The following TMEM242 variants were observed in gnomAD, a reference collection of about 807,000 sequenced individuals.
The protein encoded by TMEM242 is UPF0463 transmembrane protein C6orf35.
A neutral mutation model predicts 18.2 loss-of-function variants in TMEM242; 10 were observed. The observed-to-expected ratio is 0.55, with a 90% CI of 0.34 to 0.93. The LOEUF is 0.93. Among genes scored for constraint, TMEM242 ranks in the 40% least tolerant of loss-of-function variants. TMEM242 has a pLI of 0.02. For synonymous variants in TMEM242, 57 were observed against 69.9 expected (o/e 0.81, Z 0.92); for missense variants, 186 against 175.5 (o/e 1.06, Z -0.34).
At position 157,291,069 on chromosome 6, in the gene TMEM242, G is replaced by C. The variant is rs1777677753; in HGVS notation, c.*1832C>G. 1 of 152,282 alleles carries C rather than the reference G, an allele frequency of 6.6e-6. No individual in the cohort carries two copies. Among genetic ancestry groups the C allele is most frequent in the African/African-American group, 2.4e-5 (1 of 41,470 alleles). 9.4% of individuals were successfully genotyped at this position (152,282 alleles called of 1,614,324 possible). A position where few individuals can be genotyped will look rare whatever the true frequency, so the allele number is the denominator to read the frequency against. Reference sequence around the variant, plus strand: ...GTGCAGCAGCCTCTGCAGCGGTGCTGACACCAGTTTACAAGGCCCTGAGAG... The same window carrying C: ...GTGCAGCAGCCTCTGCAGCGGTGCTCACACCAGTTTACAAGGCCCTGAGAG... On this transcript the variant is annotated 3_prime_UTR_variant, in exon 4 of 4. Coordinates refer to ENST00000400788, the MANE Select transcript of TMEM242 (RefSeq NM_018452.6).
intron 3 of TMEM242, among the ~76,000 whole-genome samples, chr6:157,311,972 GGCCTCATCATAGTGCCCCAGTGAGCA>G (rs1778141408): frequency 3.6e-4 from 1 of 2,748 alleles, no homozygotes; most frequent in Admixed American, 5.2e-3. Flanking sequence ...GCAATCACCT[GGCCTCATCATAGTGCCCCAGTGAGCA>G]CTCACCTAGC....
At chr6:157,317,102 C>G (rs1778405266) in intron 3 of TMEM242, among the ~76,000 whole-genome samples, 1 of 152,216 alleles carries the variant, frequency 6.6e-6, no homozygotes, top group Admixed American at 6.5e-5. Flanking sequence ...CATATACATG[C>G]TGTTAATTCT....
intron 3 of TMEM242, among the ~76,000 whole-genome samples, chr6:157,311,259 G>A (rs1397556539): frequency 1.4e-4 from 20 of 142,890 alleles, no homozygotes; most frequent in African/African-American, 5.0e-4. Flanking sequence ...CGCTCACCTA[G>A]CCTCATCATA....
At chr6:157,314,742 G>A (rs1323029406) in intron 3 of TMEM242, among the ~76,000 whole-genome samples, 1 of 152,202 alleles carries the variant, frequency 6.6e-6, no homozygotes, top group Non-Finnish European at 1.5e-5. Flanking sequence ...GTTATTATAT[G>A]CATTCTATGT....
intron 3 of TMEM242, chr6:157,299,928 T>G: frequency 1.9e-6 from 3 of 1,609,502 alleles, no homozygotes; most frequent in Non-Finnish European, 2.5e-6. Context: ...ACCGATCCAG[T>G]TCCTATGATG....
chr6:157,299,774 CA>C (rs1387883413), intron 3 of TMEM242: 1 of 1,602,292 alleles, frequency 6.2e-7, no homozygotes, highest in Non-Finnish European at 8.6e-7. Flanking sequence ...ATCTTTGCTA[CA>C]AACAATATTT....
At chr6:157,313,033 T>G (rs1778236025) in intron 3 of TMEM242, among the ~76,000 whole-genome samples, 2 of 152,164 alleles carry the variant, frequency 1.3e-5, no homozygotes, top group African/African-American at 2.4e-5. Context: ...CTCATCATAG[T>G]GTCCCAGTGT....
chr6:157,310,524 T>A (rs909248078), intron 3 of TMEM242, among the ~76,000 whole-genome samples: 3 of 151,236 alleles, frequency 2.0e-5, no homozygotes, highest in Non-Finnish European at 4.4e-5. Flanking sequence ...TCACCTGGCC[T>A]CATCATGGTA....
intron 3 of TMEM242, among the ~76,000 whole-genome samples, chr6:157,311,276 C>G (rs1554248702): frequency 7.0e-6 from 1 of 141,940 alleles, no homozygotes; most frequent in Non-Finnish European, 1.5e-5. Flanking sequence ...CATAGTGCCC[C>G]CGTGTGCACA....
chr6:157,320,994 ATTTCTTTTTTTTTT>A (rs781790356), intron 2 of TMEM242, among the ~76,000 whole-genome samples: 199 of 134,546 alleles, frequency 1.5e-3, no homozygotes, highest in East Asian at 5.0e-3. Flanking sequence ...TTTATTTCCC[ATTTCTTTTTTTTTT>A]TTTCTTTTTT....
intron 2 of TMEM242, among the ~76,000 whole-genome samples, chr6:157,319,780 G>A (rs1554250610): frequency 6.6e-6 from 1 of 152,194 alleles, no homozygotes; most frequent in Admixed American, 6.5e-5. Context: ...ATAGAAGTCT[G>A]TTTAAATAGC....
chr6:157,296,411 G>A (rs941756691), intron 3 of TMEM242, among the ~76,000 whole-genome samples: 1 of 152,234 alleles, frequency 6.6e-6, no homozygotes, highest in Admixed American at 6.5e-5. Context: ...CATGAGTGGA[G>A]TGTGGTGGCT....
intron 3 of TMEM242, 44 bp downstream of exon 3, chr6:157,318,738 A>C (rs781970500): frequency 6.2e-6 from 10 of 1,608,026 alleles, no homozygotes; most frequent in Non-Finnish European, 6.8e-6. Context: ...CACAGTAAGC[A>C]GAATAAACAT....
intron 3 of TMEM242, among the ~76,000 whole-genome samples, chr6:157,312,242 C>G (rs1778167754): frequency 1.3e-5 from 2 of 151,028 alleles, no homozygotes; most frequent in African/African-American, 4.9e-5. Flanking sequence ...GTACACTCAT[C>G]TAGCCTTATC....
intron 3 of TMEM242, among the ~76,000 whole-genome samples, chr6:157,315,562 C>T (rs1778373436): frequency 6.6e-6 from 1 of 152,152 alleles, no homozygotes; most frequent in African/African-American, 2.4e-5. Context: ...TTTGTGGTCC[C>T]AGCACCTAAC....
chr6:157,313,226 C>T lies in TMEM242; in HGVS notation c.327+5556G>A, dbSNP rs1778253492. ...AGTGCCTCAGTGTGCCCTCACCTGGCCTCATCATAGTGTCGCAGAGTGTGC... is the reference window on the plus strand; with the variant it reads ...AGTGCCTCAGTGTGCCCTCACCTGGTCTCATCATAGTGTCGCAGAGTGTGC... On this transcript the variant is annotated intron_variant, in intron 3 of 3. Coordinates refer to ENST00000400788, the MANE Select transcript of TMEM242 (RefSeq NM_018452.6). 1.4e-5 allele frequency among the ~76,000 whole-genome samples: 2 copies of T among 144,164 alleles called. 1 individual carries two copies. The highest frequency in any genetic ancestry group is 3.0e-5 in the Non-Finnish European group (2 of 65,808). 94.6% of individuals were successfully genotyped at this position (144,164 alleles called of 152,430 possible).
intron 3 of TMEM242, among the ~76,000 whole-genome samples, chr6:157,312,861 A>G: frequency 2.6e-5 from 4 of 152,060 alleles, no homozygotes; most frequent in Non-Finnish European, 4.4e-5. Context: ...GCCTCATCAT[A>G]GTGTCCCAGT....
chr6:157,301,578 T>C (rs1554247532), intron 3 of TMEM242, among the ~76,000 whole-genome samples: 2 of 152,180 alleles, frequency 1.3e-5, no homozygotes, highest in African/African-American at 4.8e-5. Flanking sequence ...TCCCAAAGTG[T>C]TGGGATTACA....
intron 2 of TMEM242, among the ~76,000 whole-genome samples, chr6:157,320,342 A>T (rs987009675): frequency 1.4e-4 from 22 of 152,254 alleles, no homozygotes; most frequent in Admixed American, 1.3e-4. Flanking sequence ...TGAAATTCTT[A>T]AATTATATTA....
Sources: allele counts gnomAD v4.1 joint callset (sites outside exome capture counted in the v4.1 genomes callset), GRCh38; gene constraint gnomAD v4.1.1; transcripts MANE v1.5; gene names NCBI Gene and HGNC (gene_info 2026-07-23, HGNC 2026-07-21).